Variants in PALS2 observed in about 807,000 individuals in gnomAD.
PALS2 encodes protein associated with LIN7 2, MAGUK p55 family member.
In PALS2, 27 loss-of-function variants were observed where a neutral mutation model predicts 61.6. The observed-to-expected ratio is 0.44, with a 90% CI of 0.32 to 0.60. PALS2 has a LOEUF of 0.60. Ranked by LOEUF, PALS2 falls within the 20% of genes least tolerant of loss-of-function variation. The probability of loss-of-function intolerance (pLI) is 0.05; values close to 1 mark genes in which losing one functional copy is unlikely to be tolerated. For missense variants in PALS2, 554 were observed against 639.4 expected, an observed-to-expected ratio of 0.87 and a Z score of 1.44; for synonymous variants, 236 against 218.6, an observed-to-expected ratio of 1.08 and a Z score of -0.70.
chr7:24,583,319 A>G (rs960520409), intron 1 of PALS2, among the ~76,000 whole-genome samples: 1 of 152,194 alleles, frequency 6.6e-6, no homozygotes, highest in Non-Finnish European at 1.5e-5. Flanking sequence ...TTGTGAGACA[A>G]AGTAGTCTCA....
intron 8 of PALS2, among the ~76,000 whole-genome samples, chr7:24,667,872 T>C (rs959524850): frequency 1.3e-5 from 2 of 152,098 alleles, no homozygotes; most frequent in Middle Eastern, 3.4e-3. Context: ...TTCACCATGT[T>C]GGCCAGGATG....
rs1027965003 is a variant in PALS2, at chr7:24,607,491, CAT to C, written c.-2-16174_-2-16173del. 7.9e-5 allele frequency among the ~76,000 whole-genome samples: 12 copies of C among 151,288 alleles called. No individual in the cohort carries two copies. In the South Asian group the frequency reaches 1.0e-3, roughly 13 times the overall value. ...CTCTCTCTCTCTCTCTGAACACACA[CAT>C]GATATATATGTGTATATATATGTGT... is the stretch of plus-strand genomic sequence containing the variant. On this transcript the variant is annotated intron_variant, in intron 1 of 11. Transcript: ENST00000222644.
intron 1 of PALS2, among the ~76,000 whole-genome samples, chr7:24,584,689 G>A (rs1004897398): frequency 2.8e-4 from 42 of 152,110 alleles, no homozygotes; most frequent in African/African-American, 9.9e-4. Flanking sequence ...TGTCAATTTT[G>A]TCTTTTGTTG....
At chr7:24,602,346 T>A (rs1783749633) in intron 1 of PALS2, among the ~76,000 whole-genome samples, 1 of 152,148 alleles carries the variant, frequency 6.6e-6, no homozygotes, top group Admixed American at 6.6e-5. Context: ...TACTAGGCTT[T>A]TCTCAGCTAT....
chr7:24,665,849 C>A (rs539345760), intron 7 of PALS2, among the ~76,000 whole-genome samples, 162 bp downstream of exon 7: 2 of 152,124 alleles, frequency 1.3e-5, no homozygotes, highest in Non-Finnish European at 2.9e-5. Context: ...TCCCGTTCTG[C>A]CACCTGCTGG....
At chr7:24,632,305 A>C (rs1292743392) in intron 2 of PALS2, among the ~76,000 whole-genome samples, 1 of 152,236 alleles carries the variant, frequency 6.6e-6, no homozygotes, top group South Asian at 2.1e-4. Context: ...ACCTTTCTCC[A>C]TACCTTTAGT....
intron 1 of PALS2, among the ~76,000 whole-genome samples, chr7:24,616,916 G>A (rs1289427719): frequency 1.3e-5 from 2 of 152,042 alleles, no homozygotes; most frequent in Non-Finnish European, 2.9e-5. Flanking sequence ...TTATCAATTC[G>A]AGGACTTTTG....
intron 1 of PALS2, among the ~76,000 whole-genome samples, chr7:24,577,805 C>T (rs1205140106): frequency 1.3e-5 from 2 of 152,140 alleles, no homozygotes; most frequent in African/African-American, 4.8e-5. Flanking sequence ...GCCTCATCCC[C>T]CTCAATCCCA....
intron 9 of PALS2, among the ~76,000 whole-genome samples, chr7:24,676,588 A>C (rs932887099): frequency 6.6e-6 from 1 of 151,962 alleles, no homozygotes; most frequent in Non-Finnish European, 1.5e-5. Context: ...TCAGCTTTCT[A>C]TGTATGGCTA....
chr7:24,621,301 G>T (rs1784504595), intron 1 of PALS2, among the ~76,000 whole-genome samples: 1 of 152,086 alleles, frequency 6.6e-6, no homozygotes, highest in African/African-American at 2.4e-5. Flanking sequence ...ACATACAAGA[G>T]AATGCTTTGT....
Position 24,623,743 on chromosome 7 carries a change from A to G in PALS2, c.76A>G (p.Lys26Glu). The part of the protein sequence containing the change: ...GAEEIDLIFL[K>E]GIMENPIVKS... ...AGAAGAAATAGACCTAATTTTCCTC[A>G]AGGGAATTATGGAGAATCCTATTGT... is the stretch of plus-strand genomic sequence containing the variant. The change falls in exon 2 of 12, where the codon AAG becomes GAG. Residue 26 changes from lysine (K) to glutamate (E), a missense_variant. Transcript: ENST00000222644. 1 of 1,606,404 alleles carries G rather than the reference A, an allele frequency of 6.2e-7. No homozygotes were observed. The highest frequency in any genetic ancestry group is 1.1e-5 in the South Asian group (1 of 90,008).
intron 1 of PALS2, among the ~76,000 whole-genome samples, chr7:24,616,307 C>G (rs1447641815): frequency 2.6e-5 from 4 of 151,940 alleles, no homozygotes; most frequent in Non-Finnish European, 4.4e-5. Flanking sequence ...GCCTAAAAGA[C>G]TCTACAAAAA....
At chr7:24,679,099 T>A in intron 9 of PALS2, 32 bp from the exon 10 acceptor site, 20 of 1,597,498 alleles carry the variant, frequency 1.3e-5, no homozygotes, top group Non-Finnish European at 1.6e-5. Flanking sequence ...TAAAATTTCT[T>A]TGTACAAAAA....
chr7:24,628,936 A>G (rs891513303), intron 2 of PALS2, among the ~76,000 whole-genome samples: 2 of 152,200 alleles, frequency 1.3e-5, no homozygotes, highest in African/African-American at 2.4e-5. Context: ...TATAATCTCA[A>G]TGCTATTCCC....
At chr7:24,644,771 C>T (rs1583934544) in intron 3 of PALS2, among the ~76,000 whole-genome samples, 1 of 151,838 alleles carries the variant, frequency 6.6e-6, no homozygotes, top group East Asian at 1.9e-4. Context: ...CAAGAAGGTA[C>T]GAGTGTTCCC....
intron 2 of PALS2, among the ~76,000 whole-genome samples, chr7:24,636,419 G>C (rs558138359): frequency 1.6e-4 from 24 of 152,226 alleles, no homozygotes; most frequent in Non-Finnish European, 8.8e-5. Flanking sequence ...TTGTACTTCT[G>C]AGTGAAGTTG....
chr7:24,607,954 ACTT>A (rs1201861547), intron 1 of PALS2, among the ~76,000 whole-genome samples: 1 of 152,106 alleles, frequency 6.6e-6, no homozygotes, highest in Non-Finnish European at 1.5e-5. Context: ...CTAGAAAGAG[ACTT>A]CTTTAGGGGA....
intron 8 of PALS2, chr7:24,667,128 T>C (rs1267668351): frequency 6.6e-6 from 1 of 152,112 alleles, no homozygotes; most frequent in African/African-American, 2.4e-5. Flanking sequence ...GGAAGGAGTG[T>C]TATTACTACA....
At chr7:24,616,547 G>A (rs1180553199) in intron 1 of PALS2, among the ~76,000 whole-genome samples, 1 of 152,032 alleles carries the variant, frequency 6.6e-6, no homozygotes, top group Non-Finnish European at 1.5e-5. Flanking sequence ...TTCCCTCTGT[G>A]TGTCTTCACA....
Sources: gnomAD v4.1 joint callset for allele counts (sites outside exome capture counted in the v4.1 genomes callset) on GRCh38, gnomAD v4.1.1 for gene constraint, MANE v1.5 for transcripts, NCBI Gene and HGNC (gene_info 2026-07-23, HGNC 2026-07-21) for gene names.